The following CERS3 variants were observed in gnomAD, a reference collection of about 807,000 sequenced individuals.
CERS3 encodes LAG1 homolog, ceramide synthase 3.
In CERS3, 33 loss-of-function variants were observed where a neutral mutation model predicts 50.3. The ratio of observed to expected loss-of-function variants is 0.66; its 90% CI spans 0.50 to 0.88. CERS3 has a LOEUF of 0.88. Among genes scored for constraint, CERS3 ranks in the 40% least tolerant of loss-of-function variants. CERS3 has a pLI of 0.00. For missense variants in CERS3, 470 were observed against 460.3 expected (o/e 1.02, Z -0.19); for synonymous variants, 176 against 155.2 (o/e 1.13, Z -0.99).
intron 11 of CERS3, among the ~76,000 whole-genome samples, chr15:100,452,242 A>G (rs2034199675): frequency 6.6e-6 from 1 of 152,250 alleles, no homozygotes; most frequent in South Asian, 2.1e-4. Flanking sequence ...ACATGTCTCA[A>G]CAAATTTAAA....
intron 5 of CERS3, among the ~76,000 whole-genome samples, chr15:100,483,312 T>C (rs990294569): frequency 1.3e-5 from 2 of 152,224 alleles, no homozygotes; most frequent in African/African-American, 2.4e-5. Flanking sequence ...TGTGATAATC[T>C]GGCCTCCCTA....
rs975197085 is a variant in CERS3 at position 100,467,423 on chromosome 15, G to A, written c.845+1955C>T. Among the ~76,000 whole-genome samples the A allele has an allele frequency of 3.3e-5, 5 of 152,126 alleles. No individual in the cohort carries two copies. In the East Asian group the frequency reaches 9.6e-4, roughly 29 times the overall value. On this transcript the variant is annotated intron_variant, in intron 10 of 11. Coordinates refer to ENST00000679737, the MANE Select transcript of CERS3 (RefSeq NM_001378789.1). ...TTCGTACAGCCCATGAGCTAAGTAA[G>A]TATGGCTTGGTACATTTTTAAAGGA...
At chr15:100,438,020 T>C (rs1027957718) in intron 11 of CERS3, 4 of 149,988 alleles carry the variant, frequency 2.7e-5, no homozygotes, top group African/African-American at 9.8e-5. Context: ...TACTCATCAA[T>C]TGGATTATGT....
At chr15:100,513,558 G>C (rs987906573) in intron 2 of CERS3, among the ~76,000 whole-genome samples, 7 of 130,942 alleles carry the variant, frequency 5.3e-5, no homozygotes, top group African/African-American at 2.0e-4. Context: ...TTTTTTTTGA[G>C]ATAAGATCTT....
intron 11 of CERS3, among the ~76,000 whole-genome samples, chr15:100,420,015 A>C (rs1261642976): frequency 6.9e-6 from 1 of 144,532 alleles, no homozygotes; most frequent in Admixed American, 7.0e-5. Flanking sequence ...CATCACAATT[A>C]AAAGAACTAG....
At chr15:100,456,158 A>G (rs2034367021) in intron 10 of CERS3, 112 bp from the exon 11 acceptor site, 2 of 623,136 alleles carry the variant, frequency 3.2e-6, no homozygotes, top group African/African-American at 3.8e-5. Flanking sequence ...CGTTTCTAAT[A>G]AAGCCCAGAA....
intron 11 of CERS3, among the ~76,000 whole-genome samples, chr15:100,432,895 G>C (rs1186490829): frequency 6.6e-6 from 1 of 152,178 alleles, no homozygotes; most frequent in East Asian, 1.9e-4. Context: ...CCATAACTGA[G>C]ATATTGTCAA....
At position 100,492,892 on chromosome 15, in the gene CERS3, T is replaced by C. The variant is rs190460086; in HGVS notation, c.174-1961A>G. On this transcript the variant is annotated intron_variant, in intron 3 of 11. Transcript: ENST00000679737. ...ATTTGCTTAGTGATTCACTTGGGGA[T>C]TATAATTGACATATTAATTTATAAC... Among the ~76,000 whole-genome samples the C allele has an allele frequency of 2.2e-4, 34 of 152,290 alleles. No individual in the cohort carries two copies. In the East Asian group the frequency reaches 6.0e-3, roughly 27 times the overall value.
intron 11 of CERS3, among the ~76,000 whole-genome samples, chr15:100,451,587 G>C (rs1357982635): frequency 6.6e-6 from 1 of 152,122 alleles, no homozygotes. Flanking sequence ...GGCACCTGTA[G>C]TTCCACCTAC....
At chr15:100,530,936 G>A (rs933066066), upstream of CERS3, among the ~76,000 whole-genome samples, 6 of 151,754 alleles carry the variant, frequency 4.0e-5, no homozygotes, top group Admixed American at 3.3e-4. Flanking sequence ...TACAAAAAAT[G>A]AGCTGGGCAT....
At chr15:100,495,276 C>T (rs2035777101) in intron 3 of CERS3, among the ~76,000 whole-genome samples, 1 of 152,170 alleles carries the variant, frequency 6.6e-6, no homozygotes, top group Admixed American at 6.5e-5. Context: ...ATGGAGAGGG[C>T]AAGATGGGAA....
intron 2 of CERS3, among the ~76,000 whole-genome samples, chr15:100,504,501 C>T (rs2036115072): frequency 6.6e-6 from 1 of 152,174 alleles, no homozygotes. Context: ...CCTCAGCCTC[C>T]CAAAGTGCTG....
At chr15:100,516,650 C>A (rs766273006) in intron 2 of CERS3, among the ~76,000 whole-genome samples, 21 of 152,196 alleles carry the variant, frequency 1.4e-4, no homozygotes, top group Non-Finnish European at 2.5e-4. Flanking sequence ...AATGGGAGAA[C>A]CTCCTGTGGC....
rs529052351 is a variant in CERS3, at chr15:100,425,021, T to C, written c.1000-22156A>G. Among the ~76,000 whole-genome samples, 7 of 126,778 alleles carry C rather than the reference T, an allele frequency of 5.5e-5. No individual in the cohort carries two copies. In the South Asian group the frequency reaches 1.7e-3, roughly 31 times the overall value. 83.2% of individuals were successfully genotyped at this position (126,778 alleles called of 152,430 possible). Reference sequence around the variant, plus strand: ...GCCAAAAACCTTGGCGGCTTCCATATAGTTAAGCCTGTGGGTGCACAGAGG... The same window carrying C: ...GCCAAAAACCTTGGCGGCTTCCATACAGTTAAGCCTGTGGGTGCACAGAGG... On this transcript the variant is annotated intron_variant, in intron 11 of 11. Transcript: ENST00000679737.
rs779460605 is a variant in CERS3, at chr15:100,467,874, G to GATAGATAGATATAGAT, written c.845+1503_845+1504insATCTATATCTATCTAT. Among the ~76,000 whole-genome samples the GATAGATAGATATAGAT allele has an allele frequency of 2.2e-3, 100 of 46,006 alleles. 1 individual carries two copies. Among genetic ancestry groups the GATAGATAGATATAGAT allele is most frequent in the African/African-American group, 4.5e-3 (86 of 19,124 alleles). The allele number at this position is 46,006 out of a possible 152,430, so 30.2% of individuals were successfully genotyped here. A position where few individuals can be genotyped will look rare whatever the true frequency, so the allele number is the denominator to read the frequency against. ...ATATAGATAGATAGATAGATAGATA[G>GATAGATAGATATAGAT]ATAGATATAGATATAGATATAGATA... On this transcript the variant is annotated intron_variant, in intron 10 of 11. Coordinates refer to ENST00000679737, the MANE Select transcript of CERS3 (RefSeq NM_001378789.1).
chr15:100,536,623 A>T (rs1197153410), intron 1 of CERS3, among the ~76,000 whole-genome samples: 1 of 152,224 alleles, frequency 6.6e-6, no homozygotes, highest in Non-Finnish European at 1.5e-5. Flanking sequence ...AGACTACATA[A>T]TATGAAATTA....
At chr15:100,529,861 C>T (rs769654851), upstream of CERS3, among the ~76,000 whole-genome samples, 11 of 152,138 alleles carry the variant, frequency 7.2e-5, no homozygotes. Flanking sequence ...AGACATTTTT[C>T]TTTTTTCATC....
At chr15:100,530,207 T>C (rs1000937833), upstream of CERS3, among the ~76,000 whole-genome samples, 5 of 152,236 alleles carry the variant, frequency 3.3e-5, no homozygotes, top group African/African-American at 7.2e-5. Context: ...CACTGCAGAA[T>C]TGGTTTCCTG....
chr15:100,403,367 C>G (rs920391921), intron 11 of CERS3, among the ~76,000 whole-genome samples: 4 of 151,606 alleles, frequency 2.6e-5, no homozygotes, highest in Non-Finnish European at 5.9e-5. Flanking sequence ...AAAGAAGAGC[C>G]AAATAAACCC....
Sources: allele counts gnomAD v4.1 joint callset (sites outside exome capture counted in the v4.1 genomes callset), GRCh38; gene constraint gnomAD v4.1.1; transcripts MANE v1.5; gene names NCBI Gene and HGNC (gene_info 2026-07-23, HGNC 2026-07-21).